Variants in PXT1 observed in about 807,000 individuals in gnomAD.
PXT1 encodes peroxisomal testis-specific protein 1.
In PXT1, 11 loss-of-function variants were observed where a neutral mutation model predicts 11.0. That is an observed-to-expected ratio of 1.00 (90% CI 0.63 to 1.66). The LOEUF (loss-of-function observed/expected upper bound fraction) is 1.66. Ranked by LOEUF, PXT1 falls within the 40% of genes most tolerant of loss-of-function variation. PXT1 has a pLI of 0.00. For synonymous variants in PXT1, 43 were observed against 51.4 expected, an observed-to-expected ratio of 0.84 and a Z score of 0.70; for missense variants, 141 against 155.5, an observed-to-expected ratio of 0.91 and a Z score of 0.49.
chr6:36,394,036 G>A (rs1009343524), intron 4 of PXT1, among the ~76,000 whole-genome samples: 1 of 152,136 alleles, frequency 6.6e-6, no homozygotes, highest in African/African-American at 2.4e-5. Context: ...ATTAGCAGTA[G>A]GCTAAGGAAC....
intron 4 of PXT1, among the ~76,000 whole-genome samples, chr6:36,392,477 T>A (rs1295262721): frequency 6.6e-6 from 1 of 152,104 alleles, no homozygotes; most frequent in Non-Finnish European, 1.5e-5. Context: ...GAGACCAGCC[T>A]AGGCAACATG....
chr6:36,425,796 A>AAAACAAAAAC (rs747980278), intron 3 of PXT1, 118 bp downstream of exon 3: 9,093 of 291,408 alleles, frequency 0.031, 425 homozygotes, highest in Admixed American at 0.17. Flanking sequence ...TCAAAAAACA[A>AAAACAAAAAC]AAACAAAAAA....
intron 3 of PXT1, among the ~76,000 whole-genome samples, chr6:36,423,566 C>T (rs1774557154): frequency 6.6e-6 from 1 of 152,270 alleles, no homozygotes; most frequent in Non-Finnish European, 1.5e-5. Flanking sequence ...TCCCGAATTA[C>T]ACACACCAGC....
chr6:36,426,174 A>T (rs1774603579), intron 2 of PXT1, 83 bp from the exon 3 acceptor site: 3 of 860,022 alleles, frequency 3.5e-6, no homozygotes, highest in African/African-American at 1.7e-5. Flanking sequence ...ATGTTTTAAC[A>T]ATATCAGCAG....
At chr6:36,401,714 A>T (rs941578461) in intron 3 of PXT1, among the ~76,000 whole-genome samples, 1 of 151,830 alleles carries the variant, frequency 6.6e-6, no homozygotes, top group African/African-American at 2.4e-5. Flanking sequence ...TCAAATTTAA[A>T]TTAATTAAAA....
intron 4 of PXT1, among the ~76,000 whole-genome samples, chr6:36,396,021 G>C (rs1774140308): frequency 2.0e-5 from 3 of 152,162 alleles, no homozygotes; most frequent in Admixed American, 2.0e-4. Context: ...ACAAAAGAAG[G>C]TATTCTAAAG....
Position 36,400,594 on chromosome 6 carries a change from G to A in PXT1, c.170-10C>T. ...GAAAGTAGATTATGATCTGCATTGA[G>A]AAAAAAGAGTTCAAAAGAGATAATC... On this transcript the variant is annotated splice_polypyrimidine_tract_variant and intron_variant, in intron 3 of 4. Coordinates refer to ENST00000454782, the MANE Select transcript of PXT1 (RefSeq NM_152990.4). 6.2e-7 allele frequency: 1 copy of A among 1,606,418 alleles called. No homozygotes were observed. The highest frequency in any genetic ancestry group is 8.5e-7 in the Non-Finnish European group (1 of 1,177,690).
At chr6:36,405,152 A>G (rs930893460) in intron 3 of PXT1, among the ~76,000 whole-genome samples, 21 of 152,286 alleles carry the variant, frequency 1.4e-4, no homozygotes, top group African/African-American at 4.8e-4. Flanking sequence ...CTAGGCTAAT[A>G]TATGTGTTTG....
intron 3 of PXT1, among the ~76,000 whole-genome samples, chr6:36,411,450 T>A (rs1774374784): frequency 1.3e-5 from 2 of 151,598 alleles, no homozygotes; most frequent in African/African-American, 4.8e-5. Flanking sequence ...AAACTCCATC[T>A]CAAAAAAGAA....
intron 3 of PXT1, among the ~76,000 whole-genome samples, chr6:36,409,655 G>A (rs112039681): frequency 2.7e-3 from 411 of 151,586 alleles, no homozygotes; most frequent in South Asian, 0.014. Context: ...ACGAAACCGC[G>A]TCTCTAGAAA....
At chr6:36,424,932 T>C (rs1774582469) in intron 3 of PXT1, among the ~76,000 whole-genome samples, 1 of 152,098 alleles carries the variant, frequency 6.6e-6, no homozygotes, top group Non-Finnish European at 1.5e-5. Flanking sequence ...AAAAAAAATC[T>C]GGTGTGGTGG....
At chr6:36,442,457 T>C (rs1774890481) in intron 1 of PXT1, 78 bp downstream of exon 1, 1 of 152,234 alleles carries the variant, frequency 6.6e-6, no homozygotes, top group Non-Finnish European at 1.5e-5. Context: ...TGAAATCTTT[T>C]ACTCATAACA....
intron 2 of PXT1, among the ~76,000 whole-genome samples, chr6:36,427,005 CT>C (rs1328645855): frequency 3.6e-5 from 5 of 138,496 alleles, no homozygotes; most frequent in Admixed American, 3.0e-4. Flanking sequence ...TGCATTAGGA[CT>C]TTTTTTTTCT....
intron 3 of PXT1, among the ~76,000 whole-genome samples, chr6:36,413,977 A>G (rs1415060325): frequency 6.6e-6 from 1 of 152,334 alleles, no homozygotes; most frequent in South Asian, 2.1e-4. Context: ...CAAGCCTGGG[A>G]AACAGGGTGA....
intron 3 of PXT1, among the ~76,000 whole-genome samples, chr6:36,408,802 G>T (rs756135584): frequency 6.6e-6 from 1 of 151,672 alleles, no homozygotes; most frequent in Admixed American, 6.6e-5. Context: ...GATTGCTTGA[G>T]CCTGGGAGGT....
At chr6:36,410,239 T>A (rs533972744) in intron 3 of PXT1, among the ~76,000 whole-genome samples, 6 of 150,994 alleles carry the variant, frequency 4.0e-5, no homozygotes, top group African/African-American at 1.5e-4. Flanking sequence ...TCACCTGACA[T>A]TGGGAGTTCG....
At chr6:36,408,635 G>A (rs1774323468) in intron 3 of PXT1, among the ~76,000 whole-genome samples, 1 of 150,508 alleles carries the variant, frequency 6.6e-6, no homozygotes, top group African/African-American at 2.5e-5. Flanking sequence ...GGAGGCTGTT[G>A]GGGGAGGATC....
intron 2 of PXT1, among the ~76,000 whole-genome samples, chr6:36,437,871 G>C (rs952319392): frequency 7.3e-6 from 1 of 136,570 alleles, no homozygotes; most frequent in Non-Finnish European, 1.5e-5. Flanking sequence ...CCAGGCTGGA[G>C]TGCAGTGGCG....
intron 3 of PXT1, among the ~76,000 whole-genome samples, chr6:36,425,128 A>C (rs1774584192): frequency 6.6e-6 from 1 of 152,182 alleles, no homozygotes; most frequent in Non-Finnish European, 1.5e-5. Flanking sequence ...AAAACATAAA[A>C]CTTTAATTTT....
Sources: allele counts gnomAD v4.1 joint callset (sites outside exome capture counted in the v4.1 genomes callset), GRCh38; gene constraint gnomAD v4.1.1; transcripts MANE v1.5; gene names NCBI Gene and HGNC (gene_info 2026-07-23, HGNC 2026-07-21).